SLC71A2: variants seen among roughly 807,000 people sequenced by gnomAD.
SLC71A2 encodes the protein hippocampus abundant transcript-like 1.
At chr9:94,409,118 C>T in the SLC71A2 span, among the ~76,000 whole-genome samples, 9 of 143,732 alleles carry the variant, frequency 6.3e-5, no homozygotes, top group South Asian at 4.5e-4. Flanking sequence ...CAGGCCACTG[C>T]GCCCGGCCTC....
At chr9:94,450,492 A>AGTTTTTTTTTTT in the SLC71A2 span, among the ~76,000 whole-genome samples, 1 of 52,506 alleles carries the variant, frequency 1.9e-5, no homozygotes. Context: ...AAATAATGTA[A>AGTTTTTTTTTTT]CTTTTTTTTT....
At chr9:94,460,850 T>G in the SLC71A2 span, 1 of 152,262 alleles carries the variant, frequency 6.6e-6, no homozygotes, top group South Asian at 2.1e-4. Context: ...AGATAACATA[T>G]CTTTTTACTA....
the SLC71A2 span, chr9:94,459,861 C>T: frequency 1.2e-5 from 2 of 166,858 alleles, no homozygotes; most frequent in Non-Finnish European, 2.6e-5. Context: ...CTTCCTGTTT[C>T]TCTGAATCAG....
At chr9:94,378,915 TC>T in the SLC71A2 span, among the ~76,000 whole-genome samples, 1 of 150,492 alleles carries the variant, frequency 6.6e-6, no homozygotes, top group African/African-American at 2.5e-5. Context: ...GGAGATTAAT[TC>T]TAGAACAGCG....
chr9:94,459,665 A>C, the SLC71A2 span: 2 of 408,886 alleles, frequency 4.9e-6, no homozygotes, highest in South Asian at 3.8e-5. Context: ...ATAATGTGCA[A>C]CTCCCAAGGT....
At chr9:94,442,727 G>C in the SLC71A2 span, among the ~76,000 whole-genome samples, 1 of 152,070 alleles carries the variant, frequency 6.6e-6, no homozygotes, top group Admixed American at 6.5e-5. Context: ...GTGTGCGCTT[G>C]TAATCTCAGC....
At chr9:94,390,011 A>G in the SLC71A2 span, among the ~76,000 whole-genome samples, 4 of 152,240 alleles carry the variant, frequency 2.6e-5, no homozygotes, top group South Asian at 2.1e-4. Context: ...TCAAGAGATC[A>G]AGACCATCCT....
At chr9:94,429,103 T>C in the SLC71A2 span, 1 of 1,565,312 alleles carries the variant, frequency 6.4e-7, no homozygotes, top group Non-Finnish European at 8.7e-7. Context: ...CAGGGCTCAT[T>C]TATGTAGCAT....
chr9:94,375,115 C>G, the SLC71A2 span, among the ~76,000 whole-genome samples: 1 of 152,002 alleles, frequency 6.6e-6, no homozygotes, highest in African/African-American at 2.4e-5. Context: ...GCAGACAAAA[C>G]TTTACAGGAT....
At chr9:94,390,951 A>G in the SLC71A2 span, among the ~76,000 whole-genome samples, 1 of 151,952 alleles carries the variant, frequency 6.6e-6, no homozygotes. Flanking sequence ...ATGAGAAACT[A>G]TGCTCATGAT....
the SLC71A2 span, chr9:94,445,251 T>G: frequency 7.8e-7 from 1 of 1,276,950 alleles, no homozygotes. Context: ...AAAGTATGTA[T>G]GTGCAGCCTC....
chr9:94,419,412 GCCTC>G, the SLC71A2 span, among the ~76,000 whole-genome samples: 2 of 151,176 alleles, frequency 1.3e-5, no homozygotes, highest in African/African-American at 4.9e-5. Context: ...TCCTGCCTCA[GCCTC>G]CCGAGTAGCT....
At chr9:94,453,055 GT>G in the SLC71A2 span, among the ~76,000 whole-genome samples, 1 of 150,758 alleles carries the variant, frequency 6.6e-6, no homozygotes, top group South Asian at 2.1e-4. Context: ...TTATATTTTT[GT>G]TTTTGTTGAA....
At chr9:94,379,964 A>G in the SLC71A2 span, among the ~76,000 whole-genome samples, 6 of 152,150 alleles carry the variant, frequency 3.9e-5, no homozygotes, top group African/African-American at 1.4e-4. Flanking sequence ...CTATGGAAGC[A>G]TTTTTGAAAT....
At chr9:94,436,583 CT>C in the SLC71A2 span, among the ~76,000 whole-genome samples, 1 of 152,160 alleles carries the variant, frequency 6.6e-6, no homozygotes, top group African/African-American at 2.4e-5. Context: ...GCCTATTAAA[CT>C]TTCCCCTCCT....
the SLC71A2 span, among the ~76,000 whole-genome samples, chr9:94,390,581 T>C: frequency 5.9e-5 from 9 of 152,290 alleles, no homozygotes; most frequent in Admixed American, 2.0e-4. Flanking sequence ...GATGAAAGAA[T>C]GGGCTACCCA....
the SLC71A2 span, among the ~76,000 whole-genome samples, chr9:94,448,731 C>T: frequency 1.3e-5 from 2 of 152,164 alleles, no homozygotes; most frequent in African/African-American, 4.8e-5. Context: ...CTCCTGGGTT[C>T]AAGAAATCCT....
At chr9:94,451,870 C>CT in the SLC71A2 span, among the ~76,000 whole-genome samples, 19 of 152,260 alleles carry the variant, frequency 1.2e-4, no homozygotes, top group African/African-American at 4.3e-4. Context: ...GGCATCCACT[C>CT]TTGTCTTCAG....
chr9:94,385,560 AGGGG>A, the SLC71A2 span, among the ~76,000 whole-genome samples: 1 of 152,024 alleles, frequency 6.6e-6, no homozygotes, highest in Non-Finnish European at 1.5e-5. Flanking sequence ...GGTGTGAAGT[AGGGG>A]TCCAGCTTTA....
Sources: gnomAD v4.1 joint callset for allele counts (sites outside exome capture counted in the v4.1 genomes callset) on GRCh38, gnomAD v4.1.1 for gene constraint, MANE v1.5 for transcripts, NCBI Gene and HGNC (gene_info 2026-07-23, HGNC 2026-07-21) for gene names.